The following RERE variants were observed in gnomAD, a reference collection of about 807,000 sequenced individuals.
RERE encodes the protein arginine-glutamic acid dipeptide repeats.
RERE carries 40 observed loss-of-function variants against 146.1 expected under a neutral mutation model. The ratio of observed to expected loss-of-function variants is 0.27; its 90% CI spans 0.21 to 0.36. The LOEUF (loss-of-function observed/expected upper bound fraction) is 0.36. Among genes scored for constraint, RERE ranks in the 10% least tolerant of loss-of-function variants. The pLI is 1.00. For synonymous variants in RERE, 1,003 were observed against 866.0 expected (o/e 1.16, Z -2.78); for missense variants, 1,933 against 2,138.7 (o/e 0.90, Z 1.90).
intron 1 of RERE, among the ~76,000 whole-genome samples, chr1:8,764,381 G>GTAC (rs1220174067): frequency 1.5e-4 from 23 of 151,972 alleles, no homozygotes; most frequent in Admixed American, 1.1e-3. Context: ...ACTGCTTCGG[G>GTAC]TACTAACTCC....
At chr1:8,469,378 G>A (rs962299097) in intron 10 of RERE, among the ~76,000 whole-genome samples, 1 of 152,172 alleles carries the variant, frequency 6.6e-6, no homozygotes, top group Non-Finnish European at 1.5e-5. Context: ...CAGCACTCTG[G>A]GAGGCTGAGG....
intron 4 of RERE, among the ~76,000 whole-genome samples, chr1:8,559,289 A>AAAAAAAAAAAAAAAAAC: frequency 1.4e-5 from 2 of 141,624 alleles, no homozygotes; most frequent in East Asian, 2.1e-4. Context: ...TCAAAAAAAA[A>AAAAAAAAAAAAAAAAAC]AAAAAAAAAA....
At chr1:8,757,498 TC>T (rs1215488868) in intron 1 of RERE, among the ~76,000 whole-genome samples, 4 of 152,120 alleles carry the variant, frequency 2.6e-5, no homozygotes, top group Non-Finnish European at 5.9e-5. Flanking sequence ...TTACATAATT[TC>T]CCATAAACTT....
intron 1 of RERE, among the ~76,000 whole-genome samples, chr1:8,789,301 A>AAAATATATATATAT: frequency 4.0e-5 from 1 of 24,826 alleles, no homozygotes; most frequent in African/African-American, 2.3e-4. Flanking sequence ...AAAAAAAAAA[A>AAAATATATATATAT]ATATATATAT....
intron 1 of RERE, among the ~76,000 whole-genome samples, chr1:8,788,521 C>T (rs1641301318): frequency 6.6e-6 from 1 of 152,118 alleles, no homozygotes; most frequent in South Asian, 2.1e-4. Flanking sequence ...TGTGCCACCA[C>T]ACCCAGCTAA....
intron 1 of RERE, among the ~76,000 whole-genome samples, chr1:8,672,699 C>T (rs1229568088): frequency 6.6e-6 from 1 of 152,156 alleles, no homozygotes; most frequent in Admixed American, 6.5e-5. Context: ...TCAACAATAA[C>T]CTTTATGGTT....
At chr1:8,799,821 C>A (rs1242408696) in intron 1 of RERE, among the ~76,000 whole-genome samples, 2 of 149,912 alleles carry the variant, frequency 1.3e-5, no homozygotes, top group Non-Finnish European at 3.0e-5. Context: ...GGTTTTTTTG[C>A]TTTTTTTTAA....
chr1:8,550,710 C>T (rs1645924638), intron 6 of RERE, among the ~76,000 whole-genome samples: 1 of 152,158 alleles, frequency 6.6e-6, no homozygotes, highest in Non-Finnish European at 1.5e-5. Flanking sequence ...CCACACTCGG[C>T]TAATTTTTTG....
chr1:8,418,364 T>A (rs910287108), intron 12 of RERE, among the ~76,000 whole-genome samples: 9 of 152,226 alleles, frequency 5.9e-5, no homozygotes, highest in Non-Finnish European at 1.2e-4. Context: ...AGCCAAAGCA[T>A]GTCCCCTTTC....
At chr1:8,419,488 C>T (rs188458154) in intron 12 of RERE, among the ~76,000 whole-genome samples, 362 of 152,282 alleles carry the variant, frequency 2.4e-3, no homozygotes, top group African/African-American at 8.5e-3. Flanking sequence ...ACGTTGTTAA[C>T]TAGTTGCTGC....
chr1:8,730,054 G>A (rs554136185), intron 1 of RERE, among the ~76,000 whole-genome samples: 1 of 152,350 alleles, frequency 6.6e-6, no homozygotes, highest in East Asian at 1.9e-4. Context: ...AAGATTTCAA[G>A]TAAGCTTCCA....
At chr1:8,486,788 A>G (rs2124201568) in intron 10 of RERE, among the ~76,000 whole-genome samples, 1 of 151,530 alleles carries the variant, frequency 6.6e-6, no homozygotes, top group African/African-American at 2.4e-5. Context: ...GAAAGAAAAG[A>G]AAAAAAGCAC....
At chr1:8,449,459 C>G (rs935647953) in intron 11 of RERE, among the ~76,000 whole-genome samples, 1 of 152,188 alleles carries the variant, frequency 6.6e-6, no homozygotes, top group African/African-American at 2.4e-5. Context: ...AAGGTTTTAA[C>G]AAGAACCAGA....
rs3050828 is a variant in RERE at position 8,545,982 on chromosome 1, C to CTTTTTTTTTTTTTTT, written c.726-4679_726-4665dup. ...ACAGGTGCAAGCTACCATACCCAGT[C>CTTTTTTTTTTTTTTT]TTTTTTTTTTTTTTTTTTTTTTTTT... On this transcript the variant is annotated intron_variant, in intron 6 of 22. Transcript: ENST00000400908. Among the ~76,000 whole-genome samples, 106 of 69,474 alleles carry CTTTTTTTTTTTTTTT rather than the reference C, an allele frequency of 1.5e-3. 20 individuals carry two copies. Among genetic ancestry groups the CTTTTTTTTTTTTTTT allele is most frequent in the African/African-American group, 5.8e-3 (97 of 16,694 alleles). 45.6% of individuals were successfully genotyped at this position (69,474 alleles called of 152,430 possible). A position where few individuals can be genotyped will look rare whatever the true frequency, so the allele number is the denominator to read the frequency against.
chr1:8,468,017 A>C (rs2124134604), intron 10 of RERE, among the ~76,000 whole-genome samples: 1 of 152,354 alleles, frequency 6.6e-6, no homozygotes, highest in Middle Eastern at 3.4e-3. Context: ...GCATTCTCAC[A>C]GTTTAGAGGG....
chr1:8,761,554 A>G (rs1331258729), intron 1 of RERE, among the ~76,000 whole-genome samples: 2 of 152,148 alleles, frequency 1.3e-5, no homozygotes, highest in Non-Finnish European at 2.9e-5. Flanking sequence ...ACAGTTGCCA[A>G]ATCCAACTAA....
intron 7 of RERE, among the ~76,000 whole-genome samples, chr1:8,538,219 TTACA>T (rs1346038680): frequency 6.6e-5 from 10 of 152,156 alleles, no homozygotes; most frequent in African/African-American, 2.4e-4. Flanking sequence ...CTACATTAAC[TTACA>T]TACTTACCTA....
At chr1:8,373,316 C>G (rs1231131800) in intron 12 of RERE, among the ~76,000 whole-genome samples, 1 of 152,056 alleles carries the variant, frequency 6.6e-6, no homozygotes, top group Non-Finnish European at 1.5e-5. Flanking sequence ...GAATGTTGTT[C>G]CCCTGCTTAA....
intron 13 of RERE, 75 bp downstream of exon 13, chr1:8,365,737 A>C (rs1641780540): frequency 1.9e-6 from 3 of 1,540,272 alleles, no homozygotes; most frequent in South Asian, 1.2e-5. Flanking sequence ...ATCAGCTCCT[A>C]CGGGCCCAGA....
Sources: allele counts gnomAD v4.1 joint callset (sites outside exome capture counted in the v4.1 genomes callset), GRCh38; gene constraint gnomAD v4.1.1; transcripts MANE v1.5; gene names NCBI Gene and HGNC (gene_info 2026-07-23, HGNC 2026-07-21).